JAKMIP3: variants seen among roughly 807,000 people sequenced by gnomAD.
JAKMIP3 encodes Janus kinase and microtubule interacting protein 3.
JAKMIP3 carries 58 observed loss-of-function variants against 118.5 expected under a neutral mutation model. The ratio of observed to expected loss-of-function variants is 0.49; its 90% CI spans 0.40 to 0.61. The LOEUF is 0.61. JAKMIP3 is among the 20% of genes least tolerant of loss of function. The probability of loss-of-function intolerance (pLI) is 0.00; values close to 1 mark genes in which losing one functional copy is unlikely to be tolerated. For missense variants in JAKMIP3, 950 were observed against 1,109.0 expected (o/e 0.86, Z 2.04); for synonymous variants, 486 against 451.2 (o/e 1.08, Z -0.98).
chr10:132,093,514 C>T (rs996494454), intron 1 of JAKMIP3, among the ~76,000 whole-genome samples: 16 of 152,196 alleles, frequency 1.1e-4, no homozygotes, highest in African/African-American at 1.4e-4. Flanking sequence ...AGCGAGGCTC[C>T]GTGGGCGTGG....
intron 1 of JAKMIP3, among the ~76,000 whole-genome samples, chr10:132,042,949 C>T (rs1043841845): frequency 6.2e-5 from 9 of 146,332 alleles, no homozygotes; most frequent in African/African-American, 2.5e-5. Flanking sequence ...CAAAAATTAG[C>T]GAGTTATGGT....
rs2038024635 is a variant in JAKMIP3 at position 132,049,101 on chromosome 10, G to C, written c.-138+12363G>C. Among the ~76,000 whole-genome samples, 1 of 152,036 alleles carries C rather than the reference G, an allele frequency of 6.6e-6. No homozygotes were observed. Among genetic ancestry groups the C allele is most frequent in the African/African-American group, 2.4e-5 (1 of 41,358 alleles). On this transcript the variant is annotated intron_variant, in intron 1 of 23. Transcript: ENST00000657785. This position sits in a 1 kb window ranked among gnomAD's most constrained non-coding sequence, Gnocchi z 4.3. ...ATCAAGTTAATTGACCTTTTTGCCT[G>C]GAAGCCTTGAGGATTTTATCTTTAG...
chr10:132,107,343 G>A (rs567477153), intron 2 of JAKMIP3, among the ~76,000 whole-genome samples: 3 of 152,276 alleles, frequency 2.0e-5, no homozygotes, highest in South Asian at 4.1e-4. Flanking sequence ...AGGGACACAC[G>A]CTCCTTGATG....
At chr10:132,156,980 T>C (rs1035205788) in intron 19 of JAKMIP3, among the ~76,000 whole-genome samples, 1 of 152,148 alleles carries the variant, frequency 6.6e-6, no homozygotes, top group Non-Finnish European at 1.5e-5. Context: ...AGAGAAAGAC[T>C]GTGGGCATTC....
At position 132,145,587 on chromosome 10, in the gene JAKMIP3, C is replaced by T. The variant is rs773158451; in HGVS notation, c.1749+7C>T. The T allele has an allele frequency of 1.0e-5, 16 of 1,559,320 alleles. No individual in the cohort carries two copies. The African/African-American group carries it at 1.9e-4, about 19-fold the overall frequency. On this transcript the variant is annotated splice_region_variant and intron_variant, in intron 13 of 23. Transcript: ENST00000684848. ...TCAAGAGCTTGTGGAAAAGGTGAGC[C>T]CCGAACCCCTGGAGGCCCTGGCAGG...
intron 2 of JAKMIP3, among the ~76,000 whole-genome samples, chr10:132,111,484 T>G (rs1180610921): frequency 6.6e-6 from 1 of 151,688 alleles, no homozygotes; most frequent in Non-Finnish European, 1.5e-5. Context: ...GCAGCCCTCA[T>G]GGGGAGGGTG....
At chr10:132,142,076 G>A (rs779347084) in intron 11 of JAKMIP3, 28 bp downstream of exon 11, 84 of 1,484,184 alleles carry the variant, frequency 5.7e-5, no homozygotes, top group South Asian at 7.9e-5. Flanking sequence ...CGCGCGTTCC[G>A]GCCCCCCTCG....
rs1212692425 is a variant in JAKMIP3, at chr10:132,117,360, A to G, written c.419A>G (p.Lys140Arg). The G allele has an allele frequency of 6.2e-7, 1 of 1,613,992 alleles. No individual in the cohort carries two copies. The highest frequency in any genetic ancestry group is 1.1e-5 in the South Asian group (1 of 91,078). ...AAGACCGTGCTGCTGTCCGAGGCCA[A>G]GGAGGAGGCCAAGAAGGGGTTCGAG... Reference protein sequence around the residue: ...KVKTVLLSEAKEEAKKGFEVE... With the variant: ...KVKTVLLSEAREEAKKGFEVE... The change falls in exon 3 of 24, where the codon AAG (lysine) becomes AGG (arginine). Residue 140 changes from lysine (K) to arginine (R), a missense_variant. By Grantham distance (26) the Lys-to-Arg change is conservative. Transcript: ENST00000684848. The surrounding 1 kb of genome is among the most constrained non-coding windows in gnomAD (Gnocchi z 8.6).
At chr10:132,164,812 C>G in intron 21 of JAKMIP3, 77 bp downstream of exon 21, 1 of 1,002,526 alleles carries the variant, frequency 1.0e-6, no homozygotes, top group Middle Eastern at 2.1e-4. Flanking sequence ...ACCTGAGTCA[C>G]TCAGCTCCAG....
intron 2 of JAKMIP3, among the ~76,000 whole-genome samples, chr10:132,113,845 C>T (rs144344158): frequency 3.9e-5 from 6 of 152,194 alleles, no homozygotes; most frequent in South Asian, 2.1e-4. Flanking sequence ...AGGCTTTACC[C>T]GCTGCACTGC....
intron 1 of JAKMIP3, among the ~76,000 whole-genome samples, chr10:132,078,058 C>T (rs57448858): frequency 0.015 from 2,316 of 152,300 alleles, 51 homozygotes; most frequent in African/African-American, 0.052. Context: ...GTGATCCGCA[C>T]GTCTTGGCCT....
intron 1 of JAKMIP3, among the ~76,000 whole-genome samples, chr10:132,085,133 T>C (rs561815079): frequency 3.9e-5 from 6 of 152,206 alleles, no homozygotes; most frequent in Non-Finnish European, 8.8e-5. Flanking sequence ...TGTGGAATAG[T>C]GTCAATAGGA....
At chr10:132,148,863 C>A (rs1424168137) in intron 14 of JAKMIP3, among the ~76,000 whole-genome samples, 2 of 152,234 alleles carry the variant, frequency 1.3e-5, no homozygotes, top group African/African-American at 4.8e-5. Context: ...GCCCCGAGGC[C>A]TCCGTCTCAG....
At chr10:132,180,674 T>TGCGTGTGTGTGC (rs2061020457) in intron 23 of JAKMIP3, among the ~76,000 whole-genome samples, 1 of 19,332 alleles carries the variant, frequency 5.2e-5, no homozygotes, top group African/African-American at 1.9e-4. Flanking sequence ...TGCGTGTGTG[T>TGCGTGTGTGTGC]GCGCGCGCGT....
chr10:132,075,750 T>G (rs1300726738), intron 1 of JAKMIP3, among the ~76,000 whole-genome samples: 1 of 152,216 alleles, frequency 6.6e-6, no homozygotes, highest in African/African-American at 2.4e-5. Context: ...GCCTTGTTGC[T>G]GGTTTTTCTG....
chr10:132,159,646 GC>G (rs2057705104), intron 19 of JAKMIP3, among the ~76,000 whole-genome samples: 1 of 59,396 alleles, frequency 1.7e-5, no homozygotes, highest in Non-Finnish European at 3.7e-5. Context: ...ATGCTGGGGG[GC>G]CTCTCCCTGT....
chr10:132,180,704 TGTGCGC>T lies in JAKMIP3; in HGVS notation c.*1104-1649_*1104-1644del, dbSNP rs1565020976. On this transcript the variant is annotated intron_variant, in intron 23 of 23. Transcript: ENST00000684848. ...GCGCGTGTGTGTGCGTGCGTGTGTG[TGTGCGC>T]GTGTGTGTGCGTGTGTGTGCGTGTG... is the stretch of plus-strand genomic sequence containing the variant. Among the ~76,000 whole-genome samples the T allele has an allele frequency of 5.4e-4, 19 of 35,248 alleles. 4 individuals are homozygous for T. The South Asian group carries it at 6.6e-3, about 12-fold the overall frequency. The allele number at this position is 35,248 out of a possible 152,430, so 23.1% of individuals were successfully genotyped here. A position where few individuals can be genotyped will look rare whatever the true frequency, so the allele number is the denominator to read the frequency against.
chr10:132,070,881 C>A (rs779768413), intron 1 of JAKMIP3, among the ~76,000 whole-genome samples: 1 of 152,194 alleles, frequency 6.6e-6, no homozygotes. Context: ...TTGCAGCTCC[C>A]ATCCATGCAG....
intron 2 of JAKMIP3, among the ~76,000 whole-genome samples, chr10:132,111,699 C>G (rs75662202): frequency 1.4e-4 from 21 of 152,280 alleles, no homozygotes; most frequent in Non-Finnish European, 2.5e-4. Context: ...TTGGGCCATG[C>G]TCCAGGCACA....
Sources: gnomAD v4.1 joint callset for allele counts (sites outside exome capture counted in the v4.1 genomes callset) on GRCh38, gnomAD v4.1.1 for gene constraint, Gnocchi (gnomAD v3.1) non-coding constraint, MANE v1.5 for transcripts, NCBI Gene and HGNC (gene_info 2026-07-23, HGNC 2026-07-21) for gene names.